The following KCND2 variants were observed in gnomAD, a reference collection of about 807,000 sequenced individuals.
The protein encoded by KCND2 is A-type voltage-gated potassium channel KCND2.
A neutral mutation model predicts 54.4 loss-of-function variants in KCND2; 16 were observed. That is an observed-to-expected ratio of 0.29 (90% CI 0.20 to 0.45). The LOEUF (loss-of-function observed/expected upper bound fraction) is 0.45. Among genes scored for constraint, KCND2 ranks in the 20% least tolerant of loss-of-function variants. The pLI, the probability that KCND2 is intolerant of heterozygous loss-of-function variation, is 1.00. For synonymous variants in KCND2, 317 were observed against 310.7 expected (o/e 1.02, Z -0.21); for missense variants, 486 against 824.2 (o/e 0.59, Z 5.02).
chr7:120,444,123 A>G (rs978303933), intron 1 of KCND2, among the ~76,000 whole-genome samples: 4 of 152,088 alleles, frequency 2.6e-5, no homozygotes, highest in Non-Finnish European at 5.9e-5. Flanking sequence ...CTGAATGGCA[A>G]AGGTGATTCC....
At chr7:120,339,503 CTGTGTGTGTGTGTG>C (rs10525061) in intron 1 of KCND2, among the ~76,000 whole-genome samples, 1,549 of 149,788 alleles carry the variant, frequency 0.01, 13 homozygotes, top group African/African-American at 0.028. Flanking sequence ...CTTTAGAAGG[CTGTGTGTGTGTGTG>C]TGTGTGTGTG....
At chr7:120,645,143 T>C (rs1793423372) in intron 1 of KCND2, among the ~76,000 whole-genome samples, 1 of 152,190 alleles carries the variant, frequency 6.6e-6, no homozygotes, top group African/African-American at 2.4e-5. Context: ...TTCTCACAAC[T>C]AAATAAAGTG....
chr7:120,661,466 T>C (rs1290246609), intron 1 of KCND2, among the ~76,000 whole-genome samples: 2 of 151,968 alleles, frequency 1.3e-5, no homozygotes, highest in East Asian at 3.9e-4. Context: ...CTGGTCAACA[T>C]GGTGAAACCT....
At chr7:120,568,283 T>A (rs10270560) in intron 1 of KCND2, among the ~76,000 whole-genome samples, 17,342 of 152,090 alleles carry the variant, frequency 0.11, 1,571 homozygotes, top group African/African-American at 0.26. Flanking sequence ...TTGTGATTAG[T>A]TAAAAATTAT....
At chr7:120,687,773 A>G (rs1225880330) in intron 1 of KCND2, among the ~76,000 whole-genome samples, 1 of 152,220 alleles carries the variant, frequency 6.6e-6, no homozygotes, top group Non-Finnish European at 1.5e-5. Context: ...TCAAACTAAT[A>G]AACTAAAAGT....
intron 1 of KCND2, among the ~76,000 whole-genome samples, chr7:120,657,762 C>T (rs1327716493): frequency 1.3e-5 from 2 of 152,010 alleles, no homozygotes; most frequent in African/African-American, 2.4e-5. Context: ...GAGTGAGATT[C>T]GCTTGAGCCC....
chr7:120,739,337 C>G (rs546670476), intron 2 of KCND2, among the ~76,000 whole-genome samples: 1 of 151,860 alleles, frequency 6.6e-6, no homozygotes, highest in South Asian at 2.1e-4. Flanking sequence ...TTTTGGAAAC[C>G]AATATATAAA....
intron 1 of KCND2, among the ~76,000 whole-genome samples, chr7:120,680,044 G>A (rs1418518543): frequency 6.6e-6 from 1 of 152,072 alleles, no homozygotes; most frequent in Non-Finnish European, 1.5e-5. Context: ...TTTAATTTTA[G>A]AGATGATTAA....
intron 1 of KCND2, among the ~76,000 whole-genome samples, chr7:120,401,144 C>G (rs918263535): frequency 3.3e-5 from 5 of 152,076 alleles, no homozygotes; most frequent in African/African-American, 1.2e-4. Flanking sequence ...TTTGGTGTCA[C>G]TATCCCATGG....
chr7:120,565,280 C>T (rs1268660431), intron 1 of KCND2, among the ~76,000 whole-genome samples: 1 of 152,006 alleles, frequency 6.6e-6, no homozygotes, highest in Non-Finnish European at 1.5e-5. Context: ...CTGTGGACCC[C>T]AAGAGCCGTA....
chr7:120,377,672 T>C (rs1024919418), intron 1 of KCND2, among the ~76,000 whole-genome samples: 12 of 151,982 alleles, frequency 7.9e-5, no homozygotes, highest in African/African-American at 2.9e-4. Flanking sequence ...CTTATTTTTA[T>C]TTGTAAGAAT....
chr7:120,373,715 A>G (rs572050574), intron 1 of KCND2, among the ~76,000 whole-genome samples: 46 of 151,940 alleles, frequency 3.0e-4, no homozygotes, highest in African/African-American at 1.1e-3. Context: ...CAAAATTAAA[A>G]TGTTCATGTT....
At chr7:120,369,945 G>C (rs1357114576) in intron 1 of KCND2, among the ~76,000 whole-genome samples, 1 of 152,004 alleles carries the variant, frequency 6.6e-6, no homozygotes, top group Non-Finnish European at 1.5e-5. Flanking sequence ...GGTAAGTACT[G>C]TGACAAAAAT....
intron 1 of KCND2, among the ~76,000 whole-genome samples, chr7:120,714,770 A>G (rs1289017758): frequency 6.6e-6 from 1 of 151,912 alleles, no homozygotes; most frequent in East Asian, 1.9e-4. Context: ...ACAGAACACC[A>G]TATATATATG....
At position 120,614,827 on chromosome 7, in the gene KCND2, G is replaced by A. The variant is rs139213621; in HGVS notation, c.1116-118076G>A. Among the ~76,000 whole-genome samples, 415 of 152,292 alleles carry A rather than the reference G, an allele frequency of 2.7e-3. 1 individual carries two copies. Among genetic ancestry groups the A allele is most frequent in the Non-Finnish European group, 4.7e-3 (323 of 68,014 alleles). ...TTGCATAATTTTTAAGATAAAACAAGAGACTTCAAAGAAATTTCTTGAAGG... is the reference window on the plus strand; with the variant it reads ...TTGCATAATTTTTAAGATAAAACAAAAGACTTCAAAGAAATTTCTTGAAGG... On this transcript the variant is annotated intron_variant, in intron 1 of 5. Transcript: ENST00000331113.
chr7:120,541,337 G>A (rs1315402741), intron 1 of KCND2, among the ~76,000 whole-genome samples: 1 of 152,046 alleles, frequency 6.6e-6, no homozygotes, highest in Non-Finnish European at 1.5e-5. Flanking sequence ...CACTGGGAAA[G>A]CTTTATTAAA....
At chr7:120,687,625 G>A (rs1476275370) in intron 1 of KCND2, among the ~76,000 whole-genome samples, 1 of 151,916 alleles carries the variant, frequency 6.6e-6, no homozygotes, top group Non-Finnish European at 1.5e-5. Flanking sequence ...AGACCAGCCT[G>A]GGGAACATAG....
At chr7:120,454,627 A>G (rs997170188) in intron 1 of KCND2, among the ~76,000 whole-genome samples, 1 of 147,040 alleles carries the variant, frequency 6.8e-6, no homozygotes, top group Admixed American at 6.6e-5. Flanking sequence ...CAGATATATA[A>G]AGAAGAGCTT....
intron 1 of KCND2, among the ~76,000 whole-genome samples, chr7:120,535,021 C>T (rs1791887607): frequency 6.6e-6 from 1 of 152,078 alleles, no homozygotes; most frequent in African/African-American, 2.4e-5. Flanking sequence ...AGAGTTGTAA[C>T]TGATACAAAT....
Sources: allele counts gnomAD v4.1 joint callset (sites outside exome capture counted in the v4.1 genomes callset), GRCh38; gene constraint gnomAD v4.1.1; transcripts MANE v1.5; gene names NCBI Gene and HGNC (gene_info 2026-07-23, HGNC 2026-07-21).